TYW1B: variants seen among roughly 807,000 people sequenced by gnomAD.
TYW1B encodes S-adenosyl-L-methionine-dependent tRNA 4-demethylwyosine synthase TYW1B.
In TYW1B, 73 loss-of-function variants were observed where a neutral mutation model predicts 86.9. That is an observed-to-expected ratio of 0.84 (90% CI 0.70 to 1.02). The LOEUF is 1.02. TYW1B is among the 50% of genes least tolerant of loss of function. The pLI, the probability that TYW1B is intolerant of heterozygous loss-of-function variation, is 0.00. For missense variants in TYW1B, 637 were observed against 827.4 expected (o/e 0.77, Z 2.82); for synonymous variants, 248 against 292.8 (o/e 0.85, Z 1.56).
intron 7 of TYW1B, chr7:72,769,043 T>C: frequency 2.8e-6 from 1 of 357,246 alleles, no homozygotes; most frequent in African/African-American, 2.2e-5. Flanking sequence ...AAGCCTACTC[T>C]CATAATTTAT....
At chr7:72,715,776 C>T (rs1371370501) in intron 9 of TYW1B, among the ~76,000 whole-genome samples, 1 of 151,986 alleles carries the variant, frequency 6.6e-6, no homozygotes, top group African/African-American at 2.4e-5. Flanking sequence ...TATATATCAC[C>T]TTGACTCCTG....
chr7:72,699,623 C>CA, intron 10 of TYW1B, among the ~76,000 whole-genome samples: 1 of 151,934 alleles, frequency 6.6e-6, no homozygotes, highest in Admixed American at 6.6e-5. Flanking sequence ...ATCTGACTTA[C>CA]AAAGCTGTTT....
chr7:72,671,245 G>A (rs1346638986), intron 11 of TYW1B, among the ~76,000 whole-genome samples: 4 of 152,004 alleles, frequency 2.6e-5, no homozygotes, highest in Non-Finnish European at 4.4e-5. Context: ...TCTGACAGTT[G>A]TCCTTTTTAA....
At chr7:72,764,552 A>T (rs1554467987) in intron 7 of TYW1B, among the ~76,000 whole-genome samples, 1 of 152,224 alleles carries the variant, frequency 6.6e-6, no homozygotes, top group Non-Finnish European at 1.5e-5. Context: ...AAGTGCTGGA[A>T]TTACAGGGGT....
At chr7:72,666,970 T>G (rs1554445394) in intron 11 of TYW1B, among the ~76,000 whole-genome samples, 2 of 130,810 alleles carry the variant, frequency 1.5e-5, no homozygotes, top group Non-Finnish European at 3.1e-5. Flanking sequence ...AGGCGGAGCT[T>G]GCAGTGAGCC....
intron 13 of TYW1B, among the ~76,000 whole-genome samples, chr7:72,615,453 T>A (rs534266129): frequency 6.6e-6 from 1 of 152,254 alleles, no homozygotes; most frequent in African/African-American, 2.4e-5. Flanking sequence ...AAATCACATA[T>A]CTAAAACACC....
At chr7:72,740,678 A>T (rs1787288195) in intron 8 of TYW1B, among the ~76,000 whole-genome samples, 1 of 152,012 alleles carries the variant, frequency 6.6e-6, no homozygotes, top group Non-Finnish European at 1.5e-5. Flanking sequence ...CTGAAGAGTG[A>T]GAAAAATCTG....
At chr7:72,741,175 T>C (rs1787298518) in intron 8 of TYW1B, among the ~76,000 whole-genome samples, 1 of 152,092 alleles carries the variant, frequency 6.6e-6, no homozygotes, top group South Asian at 2.1e-4. Flanking sequence ...TTAAGCCAAC[T>C]ATCTTAAACA....
At chr7:72,693,959 ATTAT>A (rs1164371652) in intron 11 of TYW1B, among the ~76,000 whole-genome samples, 3 of 152,000 alleles carry the variant, frequency 2.0e-5, no homozygotes, top group African/African-American at 4.8e-5. Context: ...TTTTATTTTT[ATTAT>A]TTATTTATTT....
intron 13 of TYW1B, among the ~76,000 whole-genome samples, chr7:72,615,220 A>G (rs1270297924): frequency 2.6e-5 from 4 of 152,260 alleles, no homozygotes; most frequent in African/African-American, 7.2e-5. Context: ...GGGAAAAGAG[A>G]AGAAATCTTA....
At position 72,743,975 on chromosome 7, in the gene TYW1B, A is replaced by G. The variant is rs1554462948; in HGVS notation, c.1082+509T>C. 2.0e-5 allele frequency among the ~76,000 whole-genome samples: 3 copies of G among 152,212 alleles called. No individual in the cohort carries two copies. The East Asian group carries it at 5.8e-4, about 29-fold the overall frequency. On this transcript the variant is annotated intron_variant, in intron 8 of 13. Transcript: ENST00000620995. ...ACTTAAACTATTCCCAATTGCTGTAAAGACTCAATTCTGCATACAATGGGC... is the reference window on the plus strand; with the variant it reads ...ACTTAAACTATTCCCAATTGCTGTAGAGACTCAATTCTGCATACAATGGGC...
chr7:72,783,023 A>G (rs1585980349), intron 6 of TYW1B, among the ~76,000 whole-genome samples: 2 of 152,202 alleles, frequency 1.3e-5, no homozygotes, highest in South Asian at 2.1e-4. Context: ...ATGCCTCAAA[A>G]CTATCAGACA....
chr7:72,784,672 A>G (rs2129572159), intron 6 of TYW1B, among the ~76,000 whole-genome samples: 1 of 152,112 alleles, frequency 6.6e-6, no homozygotes, highest in African/African-American at 2.4e-5. Context: ...TAACTTTTGT[A>G]TTTTTAGTAG....
chr7:72,801,888 C>T (rs1254740599), intron 6 of TYW1B, among the ~76,000 whole-genome samples: 2 of 152,144 alleles, frequency 1.3e-5, no homozygotes, highest in African/African-American at 4.8e-5. Flanking sequence ...CACTTGGAAT[C>T]TCAACCATAA....
chr7:72,679,369 C>A (rs1183767039), intron 11 of TYW1B, among the ~76,000 whole-genome samples: 1 of 152,118 alleles, frequency 6.6e-6, no homozygotes, highest in African/African-American at 2.4e-5. Flanking sequence ...TGAAACAATC[C>A]AAATGCCCAT....
At chr7:72,737,423 C>T (rs1407870567) in intron 8 of TYW1B, among the ~76,000 whole-genome samples, 2 of 152,092 alleles carry the variant, frequency 1.3e-5, no homozygotes, top group Non-Finnish European at 2.9e-5. Flanking sequence ...AAATGTACTG[C>T]TCAAGAAACT....
At position 72,632,377 on chromosome 7, in the gene TYW1B, T is replaced by A. The variant is rs1480233012; in HGVS notation, c.1507-3380A>T. Among the ~76,000 whole-genome samples, 823 of 89,466 alleles carry A rather than the reference T, an allele frequency of 9.2e-3. 25 individuals carry two copies. Among genetic ancestry groups the A allele is most frequent in the African/African-American group, 0.043 (658 of 15,334 alleles). 58.7% of individuals were successfully genotyped at this position (89,466 alleles called of 152,430 possible). A position where few individuals can be genotyped will look rare whatever the true frequency, so the allele number is the denominator to read the frequency against. On this transcript the variant is annotated intron_variant, in intron 11 of 13. Coordinates refer to ENST00000620995, the MANE Select transcript of TYW1B (RefSeq NM_001145440.3). ...ATATTATATATATACGCATATATAT[T>A]ATATATATACGTATATATATATAAT...
At chr7:72,607,494 G>GAGGA (rs549052334) in intron 13 of TYW1B, among the ~76,000 whole-genome samples, 20 of 150,750 alleles carry the variant, frequency 1.3e-4, no homozygotes, top group South Asian at 1.1e-3. Flanking sequence ...AGGAGAGAGG[G>GAGGA]AGGAAGGAAG....
At chr7:72,615,606 A>C (rs1397849279) in intron 13 of TYW1B, among the ~76,000 whole-genome samples, 1 of 152,218 alleles carries the variant, frequency 6.6e-6, no homozygotes, top group Non-Finnish European at 1.5e-5. Flanking sequence ...GAAATGACAG[A>C]CAACAAACAC....
Sources: allele counts gnomAD v4.1 joint callset (sites outside exome capture counted in the v4.1 genomes callset), GRCh38; gene constraint gnomAD v4.1.1; transcripts MANE v1.5; gene names NCBI Gene and HGNC (gene_info 2026-07-23, HGNC 2026-07-21).